The following SCNN1D variants were observed in gnomAD, a reference collection of about 807,000 sequenced individuals.
SCNN1D encodes sodium channel epithelial 1 subunit delta.
A neutral mutation model predicts 87.8 loss-of-function variants in SCNN1D; 104 were observed. That is an observed-to-expected ratio of 1.18 (90% CI 1.01 to 1.39). The LOEUF (loss-of-function observed/expected upper bound fraction) is 1.39. SCNN1D is among the 40% of genes most tolerant of loss of function. The probability of loss-of-function intolerance (pLI) is 0.00; values close to 1 mark genes in which losing one functional copy is unlikely to be tolerated. For missense variants in SCNN1D, 1,324 were observed against 1,093.9 expected (o/e 1.21, Z -2.97); for synonymous variants, 628 against 481.2 (o/e 1.31, Z -3.99).
rs1640818744 is a variant in SCNN1D at position 1,291,540 on chromosome 1, G to A, written c.2339G>A (p.Gly780Glu). The A allele has an allele frequency of 1.3e-6, 2 of 1,597,352 alleles. No homozygotes were observed. The highest frequency in any genetic ancestry group is 1.7e-6 in the Non-Finnish European group (2 of 1,169,394). The change falls in exon 18 of 18, where the codon GGG becomes GAG. Residue 780 changes from glycine to glutamate, a missense_variant. Physicochemically the swap from Gly to Glu is moderately conservative, Grantham distance 98. Coordinates refer to ENST00000379116, the MANE Select transcript of SCNN1D (RefSeq NM_001130413.4). Reference protein sequence around the residue: ...GPHLPRVMLPGVLAGVSAEES... With the variant: ...GPHLPRVMLPEVLAGVSAEES... ...CATCTCCCACGGGTGATGCTTCCAGGGGTTCTGGCGGGAGTCTCAGCCGAA... is the reference window on the plus strand; with the variant it reads ...CATCTCCCACGGGTGATGCTTCCAGAGGTTCTGGCGGGAGTCTCAGCCGAA...
rs998058415 is a variant in SCNN1D, at chr1:1,280,599, C to G, written c.-63C>G. The G allele has an allele frequency of 4.3e-6, 3 of 692,868 alleles. No individual in the cohort carries two copies. Among genetic ancestry groups the G allele is most frequent in the Non-Finnish European group, 7.9e-6 (3 of 378,412 alleles). The allele number at this position is 692,868 out of a possible 1,614,324, so 42.9% of individuals were successfully genotyped here. A position where few individuals can be genotyped will look rare whatever the true frequency, so the allele number is the denominator to read the frequency against. ...CAGAGAGAATCAACTATAAATGCTT[C>G]TCATCAGACTCAAGGCCTGAGGTGA... On this transcript the variant is annotated 5_prime_UTR_variant, in exon 1 of 18. Coordinates refer to ENST00000379116, the MANE Select transcript of SCNN1D (RefSeq NM_001130413.4).
In SCNN1D at chr1:1,287,139, C is replaced by A. The variant is rs148588796; in HGVS notation, c.1150C>A (p.Arg384=). The A allele has an allele frequency of 1.2e-6, 2 of 1,601,198 alleles. No homozygotes were observed. Among genetic ancestry groups the A allele is most frequent in the South Asian group, 1.1e-5 (1 of 90,562 alleles). Residue 384 remains arginine (R), a synonymous_variant, in exon 9 of 18, where the codon CGA becomes AGA. Coordinates refer to ENST00000379116, the MANE Select transcript of SCNN1D (RefSeq NM_001130413.4). Reference sequence around the variant, plus strand: ...CAGCACGGGCGGCGACTGCTTTTACCGAGGCTACACGTCAGGCGTGGCGGC... The same window carrying A: ...CAGCACGGGCGGCGACTGCTTTTACAGAGGCTACACGTCAGGCGTGGCGGC... The part of the protein sequence containing the change: ...CNSTGGDCFY[R]GYTSGVAAVQ...
chr1:1,287,578 C>A lies in SCNN1D; in HGVS notation c.1381C>A (p.Arg461Ser). 6.3e-7 allele frequency: 1 copy of A among 1,590,626 alleles called. No homozygotes were observed. Among genetic ancestry groups the A allele is most frequent in the South Asian group, 1.1e-5 (1 of 87,826 alleles). The change falls in exon 10 of 18, where the codon CGC (arginine) becomes AGC (serine). Residue 461 changes from arginine to serine, a missense_variant. Coordinates refer to ENST00000379116, the MANE Select transcript of SCNN1D (RefSeq NM_001130413.4). ...YTVDGVWTAQ[R>S]PGITHGVGLV... ...GGTCGATGGCGTCTGGACAGCTCAG[C>A]GCCCCGGCATCACCCACGGTGGGTG...
intron 6 of SCNN1D, 92 bp from the exon 7 acceptor site, chr1:1,285,833 CG>C: frequency 1.5e-6 from 2 of 1,329,504 alleles, no homozygotes; most frequent in South Asian, 1.4e-5. Flanking sequence ...GCAGGTAGGG[CG>C]GGGCACTGGT....
At position 1,287,093 on chromosome 1, in the gene SCNN1D, C is replaced by T. The variant is rs1352908713; in HGVS notation, c.1120-16C>T. 1.9e-6 allele frequency: 3 copies of T among 1,585,092 alleles called. No homozygotes were observed. The highest frequency in any genetic ancestry group is 2.3e-5 in the East Asian group (1 of 44,388). On this transcript the variant is annotated splice_polypyrimidine_tract_variant and intron_variant, in intron 8 of 17. Coordinates refer to ENST00000379116, the MANE Select transcript of SCNN1D (RefSeq NM_001130413.4). ...GGGCTGTAGCCACAGAGCTGACCCTCCCTCCCCTCTCCCAGTGCAACAGCA... is the reference window on the plus strand; with the variant it reads ...GGGCTGTAGCCACAGAGCTGACCCTTCCTCCCCTCTCCCAGTGCAACAGCA...
At chr1:1,291,015 C>T (rs1182205707) in intron 16 of SCNN1D, 50 bp from the exon 17 acceptor site, 1 of 1,598,890 alleles carries the variant, frequency 6.3e-7, no homozygotes, top group Non-Finnish European at 8.5e-7. Context: ...AGCCCCCCTC[C>T]CCATCATGAA....
Position 1,282,313 on chromosome 1 carries a change from C to T in SCNN1D, c.349C>T (p.Gln117Ter). The T allele has an allele frequency of 2.6e-6, 4 of 1,550,118 alleles. No individual in the cohort carries two copies. The highest frequency in any genetic ancestry group is 3.5e-6 in the Non-Finnish European group (4 of 1,146,818). Residue 117 changes from glutamine to a stop codon, truncating the protein, a stop_gained and splice_region_variant, in exon 4 of 18, where the codon CAG becomes TAG. Transcript: ENST00000379116. LOFTEE classifies it high-confidence loss of function. ...PVAAASFQSRQEARGSILLQS... is the reference protein window; with the variant it reads ...PVAAASFQSR ...GGCAGCTGCTTCCTTCCAGAGCCGG[C>T]AGGCAGGTGACCTCACCCTCCTCAG...
intron 15 of SCNN1D, 28 bp downstream of exon 15, chr1:1,290,722 G>GA (rs1557587478): frequency 1.9e-6 from 3 of 1,611,360 alleles, no homozygotes; most frequent in South Asian, 2.2e-5. Context: ...TGGGGTGGGG[G>GA]TGTGGACAGC....
rs1348298715 is a variant in SCNN1D, at chr1:1,288,372, TCC to T, written c.1662+337_1662+338del. Among the ~76,000 whole-genome samples, 345 of 41,600 alleles carry T rather than the reference TCC, an allele frequency of 8.3e-3. 82 individuals carry two copies. The highest frequency in any genetic ancestry group is 0.013 in the South Asian group (6 of 472). The allele number at this position is 41,600 out of a possible 152,430, so 27.3% of individuals were successfully genotyped here. A position where few individuals can be genotyped will look rare whatever the true frequency, so the allele number is the denominator to read the frequency against. On this transcript the variant is annotated intron_variant, in intron 12 of 17. Transcript: ENST00000379116. ...CCCCGTGTCTCTGCTCCGTCCCGTG[TCC>T]CTGCTCCGTCCCGTGTCCCTGCTCC... is the stretch of plus-strand genomic sequence containing the variant.
chr1:1,291,342 T>A lies in SCNN1D; in HGVS notation c.2141T>A (p.Leu714Gln), dbSNP rs1376776382. ...TCCCTCCTGGAGCTCCTGGAGCTGCTGCTCGATGCTTCTGCCCTCACCCTG... is the reference window on the plus strand; with the variant it reads ...TCCCTCCTGGAGCTCCTGGAGCTGCAGCTCGATGCTTCTGCCCTCACCCTG... The part of the protein sequence containing the change: ...VLSLLELLEL[L>Q]LDASALTLVL... Residue 714 changes from leucine (L) to glutamine (Q), a missense_variant, in exon 18 of 18, where the codon CTG becomes CAG. Coordinates refer to ENST00000379116, the MANE Select transcript of SCNN1D (RefSeq NM_001130413.4). 4 of 1,605,372 alleles carry A rather than the reference T, an allele frequency of 2.5e-6. No homozygotes were observed. Among genetic ancestry groups the A allele is most frequent in the Admixed American group, 3.4e-5 (2 of 58,898 alleles).
chr1:1,291,657 CTG>C lies in SCNN1D; in HGVS notation c.*50_*51del. ...CGATCTCTTGGCCTGGTCCTTGCAG[CTG>C]TGGCAGCAGCAGGCTCCCCAGCGGC... is the stretch of plus-strand genomic sequence containing the variant. On this transcript the variant is annotated 3_prime_UTR_variant, in exon 18 of 18. Transcript: ENST00000379116. 1 of 1,405,238 alleles carries C rather than the reference CTG, an allele frequency of 7.1e-7. No individual in the cohort carries two copies. The highest frequency in any genetic ancestry group is 9.5e-7 in the Non-Finnish European group (1 of 1,050,728). The allele number at this position is 1,405,238 out of a possible 1,614,324, so 87.0% of individuals were successfully genotyped here.
At chr1:1,280,788 A>G (rs1403303765) in intron 1 of SCNN1D, 122 bp downstream of exon 1, 4 of 649,618 alleles carry the variant, frequency 6.2e-6, no homozygotes, top group Non-Finnish European at 8.6e-6. Flanking sequence ...TTTTTGGTTT[A>G]TGAGGGAACC....
chr1:1,291,089 C>G lies in SCNN1D; in HGVS notation c.2001C>G (p.Ile667Met). 1 of 1,612,298 alleles carries G rather than the reference C, an allele frequency of 6.2e-7. No homozygotes were observed. Among genetic ancestry groups the G allele is most frequent in the Non-Finnish European group, 8.5e-7 (1 of 1,179,790 alleles). The change falls in exon 17 of 18, where the codon ATC becomes ATG. Residue 667 changes from isoleucine (I) to methionine (M), a missense_variant. Transcript: ENST00000379116. ...GGAGCAGCCTGGCCAAAATCAACATCGTCTACCAGGAGCTCAACTACCGCT... is the reference window on the plus strand; with the variant it reads ...GGAGCAGCCTGGCCAAAATCAACATGGTCTACCAGGAGCTCAACTACCGCT... ...RQRSSLAKIN[I>M]VYQELNYRSV...
Position 1,291,805 on chromosome 1 carries a change from G to GC in SCNN1D, c.*198dup. Reference sequence around the variant, plus strand: ...ACTGCCTGGGGTGGGTCTCAAGGAGGCCCGGGGCGGAGGGGGGTTCCCGCG... The same window carrying GC: ...ACTGCCTGGGGTGGGTCTCAAGGAGGCCCCGGGGCGGAGGGGGGTTCCCGCG... On this transcript the variant is annotated 3_prime_UTR_variant, in exon 18 of 18. Coordinates refer to ENST00000379116, the MANE Select transcript of SCNN1D (RefSeq NM_001130413.4). 1 of 469,798 alleles carries GC rather than the reference G, an allele frequency of 2.1e-6. No individual in the cohort carries two copies. The highest frequency in any genetic ancestry group is 3.7e-6 in the Non-Finnish European group (1 of 270,082). The allele number at this position is 469,798 out of a possible 1,614,324, so 29.1% of individuals were successfully genotyped here. A position where few individuals can be genotyped will look rare whatever the true frequency, so the allele number is the denominator to read the frequency against.
At position 1,281,451 on chromosome 1, in the gene SCNN1D, T is replaced by A; in HGVS notation, c.118T>A (p.Cys40Ser). 6.6e-7 allele frequency: 1 copy of A among 1,519,658 alleles called. No individual in the cohort carries two copies. Among genetic ancestry groups the A allele is most frequent in the Non-Finnish European group, 8.8e-7 (1 of 1,137,984 alleles). 94.1% of individuals were successfully genotyped at this position (1,519,658 alleles called of 1,614,324 possible). A position where few individuals can be genotyped will look rare whatever the true frequency, so the allele number is the denominator to read the frequency against. Residue 40 changes from cysteine to serine, a missense_variant, in exon 3 of 18, where the codon TGC becomes AGC. Coordinates refer to ENST00000379116, the MANE Select transcript of SCNN1D (RefSeq NM_001130413.4). Reference protein sequence around the residue: ...SWCSDHRTPTCRELGSPHPTP... With the variant: ...SWCSDHRTPTSRELGSPHPTP... ...GTGCAGTGACCACAGGACCCCCACA[T>A]GCCGGGAGCTGGGTTCGCCCCACCC...
chr1:1,285,360 A>G (rs964442507), intron 5 of SCNN1D, among the ~76,000 whole-genome samples: 7 of 152,258 alleles, frequency 4.6e-5, no homozygotes, highest in African/African-American at 7.2e-5. Flanking sequence ...ACTCAGCTCA[A>G]TGGGGCCACC....
rs1440613281 is a variant in SCNN1D, at chr1:1,285,649, C to T, written c.543C>T (p.Ala181=). ...WQHRPTQHNA[A]CKQGQAAAQT... ...ACAGACCCACTCAGCACAACGCTGC[C>T]TGCAAACAGGGCCAGGTAGGGCCTG... Residue 181 remains alanine (A), a synonymous_variant, in exon 6 of 18, where the codon GCC becomes GCT. Coordinates refer to ENST00000379116, the MANE Select transcript of SCNN1D (RefSeq NM_001130413.4). The T allele has an allele frequency of 1.9e-6, 3 of 1,545,828 alleles. No homozygotes were observed. The highest frequency in any genetic ancestry group is 2.6e-6 in the Non-Finnish European group (3 of 1,144,772).
In SCNN1D at chr1:1,291,732, G is replaced by A; in HGVS notation, c.*122G>A. On this transcript the variant is annotated 3_prime_UTR_variant, in exon 18 of 18. Transcript: ENST00000379116. The stretch of plus-strand genomic sequence containing the variant: ...CCCAGGAAGCAGCACACGCGGCCGT[G>A]GGGAGGCAGGCACCGGGCATGTCGG... 1 of 661,530 alleles carries A rather than the reference G, an allele frequency of 1.5e-6. No individual in the cohort carries two copies. Among genetic ancestry groups the A allele is most frequent in the Non-Finnish European group, 2.3e-6 (1 of 428,686 alleles). The allele number at this position is 661,530 out of a possible 1,614,324, so 41.0% of individuals were successfully genotyped here.
chr1:1,281,183 C>T, intron 1 of SCNN1D, 43 bp from the exon 2 acceptor site: 1 of 1,523,114 alleles, frequency 6.6e-7, no homozygotes, highest in Non-Finnish European at 8.8e-7. Context: ...GATAGGAGGT[C>T]CTGGCTGGGG....
Sources: gnomAD v4.1 joint callset for allele counts (sites outside exome capture counted in the v4.1 genomes callset) on GRCh38, gnomAD v4.1.1 for gene constraint, MANE v1.5 for transcripts, NCBI Gene and HGNC (gene_info 2026-07-23, HGNC 2026-07-21) for gene names.